The following CCDC57 variants were observed in gnomAD, a reference collection of about 807,000 sequenced individuals.
CCDC57 encodes the protein coiled-coil domain-containing protein 57.
CCDC57 carries 118 observed loss-of-function variants against 118.9 expected under a neutral mutation model. The observed-to-expected ratio is 0.99, with a 90% confidence interval of 0.86 to 1.16. The LOEUF (loss-of-function observed/expected upper bound fraction) is 1.16. CCDC57 is among the 50% of genes most tolerant of loss of function. The pLI, the probability that CCDC57 is intolerant of heterozygous loss-of-function variation, is 0.00. For synonymous variants in CCDC57, 527 were observed against 532.9 expected, an observed-to-expected ratio of 0.99 and a Z score of 0.15; for missense variants, 1,300 against 1,320.7, an observed-to-expected ratio of 0.98 and a Z score of 0.24.
At chr17:82,166,509 T>A (rs1407120307) in intron 13 of CCDC57, among the ~76,000 whole-genome samples, 5 of 151,758 alleles carry the variant, frequency 3.3e-5, no homozygotes, top group Admixed American at 1.3e-4. Context: ...ATCGAGACCC[T>A]GTCTCTAAAA....
At chr17:82,115,074 G>A (rs11656153) in intron 19 of CCDC57, among the ~76,000 whole-genome samples, 35,893 of 152,200 alleles carry the variant, frequency 0.24, 4,936 homozygotes, top group Non-Finnish European at 0.31. Flanking sequence ...CTGCAGAGGA[G>A]GCTCTGGCCT....
chr17:82,193,897 C>A (rs2047977403), intron 6 of CCDC57, 67 bp from the exon 6 acceptor site: 4 of 1,568,606 alleles, frequency 2.6e-6, no homozygotes. Context: ...CTGGAATGAG[C>A]AGAAAAGGTA....
In CCDC57 at chr17:82,177,478, G is replaced by A. The variant is rs111965486; in HGVS notation, c.1506+996C>T. Among the ~76,000 whole-genome samples the A allele has an allele frequency of 7.1e-3, 1,077 of 152,236 alleles. 7 individuals are homozygous for A. The highest frequency in any genetic ancestry group is 0.011 in the Non-Finnish European group (725 of 68,002). On this transcript the variant is annotated intron_variant, in intron 11 of 19. Coordinates refer to ENST00000665763, the Ensembl canonical transcript of CCDC57. ...GAGGATTGCTTCAGCCTAGGGGTAG[G>A]AGGAGATTGCAGTGAGCTGAGATTG...
chr17:82,192,739 C>T lies in CCDC57; in HGVS notation c.851+1017G>A, dbSNP rs938520034. 3.3e-5 allele frequency among the ~76,000 whole-genome samples: 5 copies of T among 152,202 alleles called. No individual in the cohort carries two copies. In the East Asian group the frequency reaches 7.7e-4, roughly 23 times the overall value. ...CTCTCGCTGCCACCAGTAGGGTCTG[C>T]AGAGCAGGCTGGAAAGCAGCTTCCC... On this transcript the variant is annotated intron_variant, in intron 7 of 19. Coordinates refer to ENST00000665763, the Ensembl canonical transcript of CCDC57. This position sits in a 1 kb window ranked among gnomAD's most constrained non-coding sequence, Gnocchi z 4.0.
chr17:82,104,355 G>A (rs1437015858), intron 19 of CCDC57, among the ~76,000 whole-genome samples: 2 of 152,170 alleles, frequency 1.3e-5, no homozygotes, highest in South Asian at 4.1e-4. Flanking sequence ...GCCCCGAACT[G>A]AGCTTCTGGA....
chr17:82,180,185 G>A (rs2046031480), intron 9 of CCDC57, among the ~76,000 whole-genome samples: 1 of 152,234 alleles, frequency 6.6e-6, no homozygotes, highest in Non-Finnish European at 1.5e-5. Context: ...CGCCGCTAGG[G>A]TGCAGAGTGA....
chr17:82,173,492 G>A (rs765194937), intron 11 of CCDC57, among the ~76,000 whole-genome samples: 1 of 152,130 alleles, frequency 6.6e-6, no homozygotes, highest in Non-Finnish European at 1.5e-5. Context: ...GGAACCAGGA[G>A]CCCAGATGAA....
At chr17:82,128,590 T>C (rs1418595453) in exon 18 of CCDC57, 4 of 1,562,264 alleles carry the variant, frequency 2.6e-6, no homozygotes, top group Admixed American at 1.9e-5. Context: ...CTCGGCACTC[T>C]TGGCGTCCTG....
intron 19 of CCDC57, among the ~76,000 whole-genome samples, chr17:82,111,220 C>G (rs953027350): frequency 6.7e-6 from 1 of 148,318 alleles, no homozygotes; most frequent in African/African-American, 2.5e-5. Context: ...CTCAGCCTCC[C>G]GAGTAGCTGG....
chr17:82,189,536 T>C (rs1299998668), intron 7 of CCDC57, among the ~76,000 whole-genome samples: 2 of 152,058 alleles, frequency 1.3e-5, no homozygotes, highest in African/African-American at 4.8e-5. Flanking sequence ...CTCATTCAAT[T>C]ATGAGCTGAT....
chr17:82,126,840 G>A (rs781148969), intron 19 of CCDC57: 70 of 985,292 alleles, frequency 7.1e-5, no homozygotes, highest in Admixed American at 1.2e-4. Flanking sequence ...GCATGAAGGA[G>A]AGAATGATTA....
At chr17:82,124,438 G>A (rs1568176256) in intron 19 of CCDC57, among the ~76,000 whole-genome samples, 1 of 152,196 alleles carries the variant, frequency 6.6e-6, no homozygotes, top group Non-Finnish European at 1.5e-5. Context: ...CTGGAAGATG[G>A]TTCTGGCTTC....
In CCDC57 at chr17:82,193,966, T is replaced by C. The variant is rs754612048; in HGVS notation, c.776+16A>G. 9 of 1,601,300 alleles carry C rather than the reference T, an allele frequency of 5.6e-6. No individual in the cohort carries two copies. Among genetic ancestry groups the C allele is most frequent in the South Asian group, 4.4e-5 (4 of 90,702 alleles). On this transcript the variant is annotated intron_variant, in intron 6 of 19. Coordinates refer to ENST00000665763, the Ensembl canonical transcript of CCDC57. ...CTGCCACAGAGCACGCCTCGGGAGA[T>C]GAAGGACTCGCGCACCGGGCGCGGC...
In CCDC57 at chr17:82,172,647, CG is replaced by C. The variant is rs1568355397; in HGVS notation, c.1719del (p.Ala574ProfsTer16). 6.5e-7 allele frequency: 1 copy of C among 1,550,366 alleles called. No homozygotes were observed. Among genetic ancestry groups the C allele is most frequent in the Admixed American group, 2.0e-5 (1 of 51,004 alleles). On this transcript the variant is annotated frameshift_variant, in exon 12 of 20. Transcript: ENST00000665763. LOFTEE classifies it high-confidence loss of function. The surrounding 1 kb of genome is among the most constrained non-coding windows in gnomAD (Gnocchi z 5.2). ...TCTCCCACTTACTCACCAGGAGTGG[CG>C]GCATCTCCCCCAGCCTCTGGGTCAG...
intron 16 of CCDC57, among the ~76,000 whole-genome samples, chr17:82,142,630 A>G (rs1157237377): frequency 1.3e-5 from 2 of 152,178 alleles, no homozygotes; most frequent in Non-Finnish European, 2.9e-5. Context: ...AAATTTATAA[A>G]ACATGATGGT....
chr17:82,199,393 C>T (rs1180668018), intron 3 of CCDC57, among the ~76,000 whole-genome samples: 2 of 146,842 alleles, frequency 1.4e-5, no homozygotes, highest in African/African-American at 2.5e-5. Flanking sequence ...CAGGAGAACC[C>T]CTTGAACCCC....
intron 19 of CCDC57, among the ~76,000 whole-genome samples, chr17:82,121,595 CAG>C (rs551315004): frequency 2.0e-3 from 301 of 152,322 alleles, no homozygotes; most frequent in Non-Finnish European, 3.7e-3. Flanking sequence ...TTGGCCTTCT[CAG>C]GGGATGGTGG....
At position 82,212,249 on chromosome 17, in the gene CCDC57, A is replaced by C. The variant is rs183913795; in HGVS notation, c.-211+536T>G. Among the ~76,000 whole-genome samples the C allele has an allele frequency of 6.6e-6, 1 of 151,728 alleles. No homozygotes were observed. Among genetic ancestry groups the C allele is most frequent in the East Asian group, 1.9e-4 (1 of 5,152 alleles). ...ACAGGCGTGCACCACCACGCCCAAT[A>C]ATTTTTGTATTTTTAGTAGAGAGGG... On this transcript the variant is annotated intron_variant, in intron 1 of 19. Coordinates refer to ENST00000665763, the Ensembl canonical transcript of CCDC57. This position sits in a 1 kb window ranked among gnomAD's most constrained non-coding sequence, Gnocchi z 4.1.
chr17:82,132,754 C>T lies in CCDC57; in HGVS notation c.2577+1319G>A, dbSNP rs1479487512. ...TATTTTTATCTTTCTGTAGAGACAA[C>T]CTTGCTTTTTTTTTTTTTTTTTTGA... is the stretch of plus-strand genomic sequence containing the variant. On this transcript the variant is annotated intron_variant, in intron 17 of 19. Coordinates refer to ENST00000665763, the Ensembl canonical transcript of CCDC57. Among the ~76,000 whole-genome samples, 5 of 122,300 alleles carry T rather than the reference C, an allele frequency of 4.1e-5. 1 individual carries two copies. The highest frequency in any genetic ancestry group is 1.0e-4 in the Admixed American group (1 of 9,914). 80.2% of individuals were successfully genotyped at this position (122,300 alleles called of 152,430 possible). A position where few individuals can be genotyped will look rare whatever the true frequency, so the allele number is the denominator to read the frequency against.
Sources: gnomAD v4.1 joint callset for allele counts (sites outside exome capture counted in the v4.1 genomes callset) on GRCh38, gnomAD v4.1.1 for gene constraint, Gnocchi (gnomAD v3.1) non-coding constraint, MANE v1.5 for transcripts, NCBI Gene and HGNC (gene_info 2026-07-23, HGNC 2026-07-21) for gene names.